The following COL18A1 variants were observed in gnomAD, a reference collection of about 807,000 sequenced individuals.
COL18A1 encodes collagen type XVIII alpha 1 chain, also known as collagen alpha-1(XVIII) chain.
Under a neutral mutation model 168.0 loss-of-function variants are expected in COL18A1, and 133 were observed. The ratio of observed to expected loss-of-function variants is 0.79; its 90% CI spans 0.69 to 0.91. The LOEUF (loss-of-function observed/expected upper bound fraction) is 0.91. COL18A1 is among the 40% of genes least tolerant of loss of function. The pLI, the probability that COL18A1 is intolerant of heterozygous loss-of-function variation, is 0.00. For synonymous variants in COL18A1, 949 were observed against 809.0 expected (o/e 1.17, Z -2.94); for missense variants, 2,126 against 1,925.4 (o/e 1.10, Z -1.95).
rs1299893600 is a variant in COL18A1, at chr21:45,463,669, AT to A, written c.107-4572del. Among the ~76,000 whole-genome samples, 3 of 152,184 alleles carry A rather than the reference AT, an allele frequency of 2.0e-5. No homozygotes were observed. The highest frequency in any genetic ancestry group is 4.4e-5 in the Non-Finnish European group (3 of 68,024). On this transcript the variant is annotated intron_variant, in intron 2 of 41. Coordinates refer to ENST00000651438, the MANE Select transcript of COL18A1 (RefSeq NM_001379500.1). This position sits in a 1 kb window ranked among gnomAD's most constrained non-coding sequence, Gnocchi z 4.0. ...TCCCAGCACTTTGGGATGCCGAGGC[AT>A]GCGGATCGCCTGAGGTCGGGAGTTG...
chr21:45,484,841 C>G (rs556182218), intron 15 of COL18A1, among the ~76,000 whole-genome samples: 2 of 151,946 alleles, frequency 1.3e-5, no homozygotes, highest in East Asian at 1.9e-4. Flanking sequence ...ATATTTTGAT[C>G]AACTTTAAAA....
At chr21:45,470,873 G>C (rs1355312228) in intron 3 of COL18A1, among the ~76,000 whole-genome samples, 5 of 152,060 alleles carry the variant, frequency 3.3e-5, no homozygotes, top group African/African-American at 1.2e-4. Context: ...GAAGGTCAGA[G>C]AGCTGGAACA....
chr21:45,439,315 C>T (rs1349769369), intron 2 of COL18A1, among the ~76,000 whole-genome samples: 1 of 152,212 alleles, frequency 6.6e-6, no homozygotes, highest in East Asian at 1.9e-4. Context: ...CAGCGCGTTC[C>T]GTTTCGGCTC....
chr21:45,504,414 A>AG lies in COL18A1; in HGVS notation c.2731dup, dbSNP rs757968099. On this transcript the variant is annotated splice_acceptor_variant, in intron 33 of 41. Coordinates refer to ENST00000651438, the MANE Select transcript of COL18A1 (RefSeq NM_001379500.1). LOFTEE classifies it high-confidence loss of function. ...CCGTGTAACAAGTGTTTCCGTCCACAGGGGGAGAAGGGAGACCGAGGTGAT... is the reference window on the plus strand; with the variant it reads ...CCGTGTAACAAGTGTTTCCGTCCACAGGGGGGAGAAGGGAGACCGAGGTGAT... 1 of 1,610,962 alleles carries AG rather than the reference A, an allele frequency of 6.2e-7. No individual in the cohort carries two copies. The highest frequency in any genetic ancestry group is 8.5e-7 in the Non-Finnish European group (1 of 1,179,038).
At chr21:45,474,086 G>T in intron 4 of COL18A1, 105 bp downstream of exon 4, 1 of 857,334 alleles carries the variant, frequency 1.2e-6, no homozygotes, top group South Asian at 1.5e-5. Flanking sequence ...TACCACTTGG[G>T]GCACTGGGAA....
intron 2 of COL18A1, among the ~76,000 whole-genome samples, chr21:45,427,517 G>C (rs190029053): frequency 2.1e-4 from 32 of 152,308 alleles, no homozygotes; most frequent in Non-Finnish European, 4.4e-4. Flanking sequence ...CCCCAGGCAG[G>C]CCCCCTCTTG....
chr21:45,449,454 G>A (rs1392112282), intron 2 of COL18A1, among the ~76,000 whole-genome samples: 1 of 152,180 alleles, frequency 6.6e-6, no homozygotes, highest in Non-Finnish European at 1.5e-5. Flanking sequence ...AGCCTGGGGA[G>A]GGACACGGCT....
intron 2 of COL18A1, among the ~76,000 whole-genome samples, chr21:45,418,084 T>C (rs1326137053): frequency 6.6e-6 from 1 of 152,182 alleles, no homozygotes; most frequent in Non-Finnish European, 1.5e-5. Flanking sequence ...TGGGGGCGCC[T>C]GGCGTGGGGC....
intron 24 of COL18A1, 123 bp from the exon 25 acceptor site, chr21:45,493,040 G>A: frequency 9.8e-7 from 1 of 1,024,424 alleles, no homozygotes; most frequent in Non-Finnish European, 1.5e-6. Flanking sequence ...GGCCGCGAGG[G>A]GCCCTGGTCG....
At chr21:45,485,541 C>T (rs890658616) in intron 15 of COL18A1, among the ~76,000 whole-genome samples, 7 of 152,234 alleles carry the variant, frequency 4.6e-5, no homozygotes, top group East Asian at 1.9e-4. Flanking sequence ...AAAAGGATGC[C>T]AGGCACTAAG....
chr21:45,452,856 T>C (rs979806191), intron 2 of COL18A1, among the ~76,000 whole-genome samples: 3 of 144,786 alleles, frequency 2.1e-5, no homozygotes, highest in Middle Eastern at 3.4e-3. Context: ...TATGTATGTG[T>C]GGGGCTTGTG....
chr21:45,462,165 A>G (rs112834055), intron 2 of COL18A1, among the ~76,000 whole-genome samples: 4,262 of 152,158 alleles, frequency 0.028, 213 homozygotes, highest in African/African-American at 0.097. Flanking sequence ...GGATGTGATC[A>G]GTTGCTTTTC....
intron 41 of COL18A1, 133 bp from the exon 42 acceptor site, chr21:45,512,055 G>C: frequency 1.0e-6 from 1 of 959,466 alleles, no homozygotes; most frequent in Non-Finnish European, 1.6e-6. Flanking sequence ...GGCCCTCCAG[G>C]TTGTGGGAGC....
At chr21:45,437,695 C>G (rs1485116265) in intron 2 of COL18A1, among the ~76,000 whole-genome samples, 1 of 81,550 alleles carries the variant, frequency 1.2e-5, no homozygotes. Context: ...CCTGCACACA[C>G]ACACACACAC....
chr21:45,453,217 T>C (rs1436056860), intron 2 of COL18A1, among the ~76,000 whole-genome samples: 1 of 152,238 alleles, frequency 6.6e-6, no homozygotes, highest in Non-Finnish European at 1.5e-5. Context: ...TGTGAGCATG[T>C]ATGTACATGT....
In COL18A1 at chr21:45,497,585, C is replaced by G. The variant is rs1210134893; in HGVS notation, c.2621-14C>G. On this transcript the variant is annotated splice_polypyrimidine_tract_variant and intron_variant, in intron 31 of 41. Transcript: ENST00000651438. ...GGCACATTCCTGATGGGCACTGGGT[C>G]TCTCTTCCTCCAGGGAATCAGGGCC... is the stretch of plus-strand genomic sequence containing the variant. 8 of 1,556,298 alleles carry G rather than the reference C, an allele frequency of 5.1e-6. No individual in the cohort carries two copies. In the African/African-American group the frequency reaches 6.8e-5, roughly 13 times the overall value.
In COL18A1 at chr21:45,446,360, C is replaced by G. The variant is rs141003064; in HGVS notation, c.107-21882C>G. On this transcript the variant is annotated intron_variant, in intron 2 of 41. Transcript: ENST00000651438. ...AGTCTTAAAACTGGGAATGTAAGTC[C>G]TTTGACTTTTTTCTAATCCAATACT... Among the ~76,000 whole-genome samples, 223 of 152,328 alleles carry G rather than the reference C, an allele frequency of 1.5e-3. 1 individual carries two copies. The highest frequency in any genetic ancestry group is 5.2e-3 in the African/African-American group (218 of 41,566).
At chr21:45,414,070 G>A (rs531741118) in intron 2 of COL18A1, among the ~76,000 whole-genome samples, 49 of 152,320 alleles carry the variant, frequency 3.2e-4, no homozygotes, top group African/African-American at 1.1e-3. Flanking sequence ...GAGGAGGATC[G>A]GGAGGAGGAG....
At chr21:45,414,838 C>G (rs2033397078) in intron 2 of COL18A1, among the ~76,000 whole-genome samples, 1 of 152,172 alleles carries the variant, frequency 6.6e-6, no homozygotes, top group South Asian at 2.1e-4. Flanking sequence ...TGAGTATGGC[C>G]TGTGTGTGGG....
Sources: allele counts gnomAD v4.1 joint callset (sites outside exome capture counted in the v4.1 genomes callset), GRCh38; gene constraint gnomAD v4.1.1; non-coding constraint Gnocchi (gnomAD v3.1); transcripts MANE v1.5; gene names NCBI Gene and HGNC (gene_info 2026-07-23, HGNC 2026-07-21).